AKAP8: variants seen among roughly 807,000 people sequenced by gnomAD.
AKAP8 encodes A-kinase anchor protein 8.
In AKAP8, 24 loss-of-function variants were observed where a neutral mutation model predicts 67.5. That is an observed-to-expected ratio of 0.36 (90% CI 0.26 to 0.50). The LOEUF (loss-of-function observed/expected upper bound fraction) is 0.50. AKAP8 is among the 20% of genes least tolerant of loss of function. The pLI is 0.97. For missense variants in AKAP8, 971 were observed against 955.9 expected (o/e 1.02, Z -0.21); for synonymous variants, 400 against 371.1 (o/e 1.08, Z -0.90).
At chr19:15,370,295 A>G (rs1967133084) in intron 7 of AKAP8, 116 bp from the exon 8 acceptor site, 2 of 1,204,896 alleles carry the variant, frequency 1.7e-6, no homozygotes, top group Non-Finnish European at 2.4e-6. Context: ...CTAGGTTGCT[A>G]TGCCACCAAG....
chr19:15,373,077 G>C lies in AKAP8; in HGVS notation c.635C>G (p.Pro212Arg). 6.2e-7 allele frequency: 1 copy of C among 1,610,752 alleles called. No homozygotes were observed. Among genetic ancestry groups the C allele is most frequent in the Non-Finnish European group, 8.5e-7 (1 of 1,178,850 alleles). ...GTFMRSDPFV[P>R]PAASSEPLST... The stretch of plus-strand genomic sequence containing the variant: ...CAGGGGCTCAGAGGACGCAGCGGGG[G>C]GCACGAAGGGGTCGCTGCGCATGAA... The change falls in exon 5 of 14, where the codon CCC (proline) becomes CGC (arginine). Residue 212 changes from proline (P) to arginine (R), a missense_variant. Transcript: ENST00000269701.
At chr19:15,371,365 G>C (rs936816103) in intron 7 of AKAP8, among the ~76,000 whole-genome samples, 1 of 152,184 alleles carries the variant, frequency 6.6e-6, no homozygotes, top group Non-Finnish European at 1.5e-5. Context: ...CGGAGCTGGC[G>C]GCAAATGAGC....
In AKAP8 at chr19:15,370,168, G is replaced by C. The variant is rs142190306; in HGVS notation, c.1050C>G (p.Leu350=). The C allele has an allele frequency of 1.9e-6, 3 of 1,614,152 alleles. No individual in the cohort carries two copies. The highest frequency in any genetic ancestry group is 3.3e-5 in the Admixed American group (2 of 60,018). ...TACCTCTTTGCCTCCCAGAGTCGCA[G>C]AGTTCATCCTCCTGGAAAAGAGTAT... is the stretch of plus-strand genomic sequence containing the variant. ...GDEEFKGEDE[L]CDSGRQRGEK... Residue 350 remains leucine (L), a synonymous_variant, in exon 8 of 14, where the codon CTC becomes CTG. Transcript: ENST00000269701.
chr19:15,358,909 TG>T, intron 13 of AKAP8, 57 bp downstream of exon 13: 1 of 1,503,858 alleles, frequency 6.6e-7, no homozygotes, highest in Non-Finnish European at 9.3e-7. Context: ...TCCCTGCTCC[TG>T]GGGTTCATCT....
chr19:15,371,528 G>T (rs1311883398), intron 7 of AKAP8, among the ~76,000 whole-genome samples: 1 of 149,866 alleles, frequency 6.7e-6, no homozygotes, highest in Non-Finnish European at 1.5e-5. Context: ...TCCCTCTGTC[G>T]CCCAGGCTGG....
chr19:15,377,287 T>TC (rs1217535955), intron 1 of AKAP8, among the ~76,000 whole-genome samples: 1 of 152,054 alleles, frequency 6.6e-6, no homozygotes. Flanking sequence ...GGACCTCACC[T>TC]CTCCAAGATT....
chr19:15,379,451 G>C (rs1364676879), intron 1 of AKAP8: 1 of 455,128 alleles, frequency 2.2e-6, no homozygotes, highest in East Asian at 3.7e-5. Flanking sequence ...ACGCCCCCAC[G>C]AAGCCCACCG....
At chr19:15,361,592 T>A in intron 11 of AKAP8, 137 bp downstream of exon 11, 1 of 673,408 alleles carries the variant, frequency 1.5e-6, no homozygotes, top group Non-Finnish European at 2.6e-6. Flanking sequence ...GACCTCATGA[T>A]CCGCCTGCCT....
intron 13 of AKAP8, among the ~76,000 whole-genome samples, chr19:15,355,720 C>T (rs2048273936): frequency 6.6e-6 from 1 of 151,922 alleles, no homozygotes; most frequent in Non-Finnish European, 1.5e-5. Context: ...GTGTGAACCA[C>T]CATGCCCGGC....
chr19:15,358,833 T>C (rs972353599), intron 13 of AKAP8, 134 bp downstream of exon 13: 4 of 780,684 alleles, frequency 5.1e-6, no homozygotes, highest in East Asian at 2.6e-5. Context: ...CTGAGCTTGA[T>C]GCATTCCAGT....
chr19:15,362,039 T>C, intron 10 of AKAP8, 71 bp downstream of exon 10: 1 of 1,579,338 alleles, frequency 6.3e-7, no homozygotes, highest in Non-Finnish European at 8.6e-7. Context: ...TGATTTCCCT[T>C]CCTCCTTCAA....
At position 15,370,034 on chromosome 19, in the gene AKAP8, C is replaced by T. The variant is rs2145078814; in HGVS notation, c.1072+112G>A. The T allele has an allele frequency of 2.9e-6, 4 of 1,359,176 alleles. No homozygotes were observed. In the South Asian group the frequency reaches 4.7e-5, roughly 16 times the overall value. 84.2% of individuals were successfully genotyped at this position (1,359,176 alleles called of 1,614,324 possible). On this transcript the variant is annotated intron_variant, in intron 8 of 13. Transcript: ENST00000269701. ...TCTGGTGGCTGCAGCCCCTCTTCCC[C>T]CACAGCCACGGGCCCCTCCATCCAG...
chr19:15,360,636 A>C (rs533138452), intron 12 of AKAP8, among the ~76,000 whole-genome samples: 1 of 152,338 alleles, frequency 6.6e-6, no homozygotes, highest in South Asian at 2.1e-4. Context: ...TATCAGGAGA[A>C]TCTCAGCTAC....
At chr19:15,375,520 G>A (rs1967236507) in intron 2 of AKAP8, among the ~76,000 whole-genome samples, 2 of 152,164 alleles carry the variant, frequency 1.3e-5, no homozygotes, top group Middle Eastern at 3.4e-3. Flanking sequence ...CTTACACACT[G>A]GATCAAAACT....
In AKAP8 at chr19:15,373,120, G is replaced by C. The variant is rs775735026; in HGVS notation, c.592C>G (p.Arg198Gly). 5 of 1,612,724 alleles carry C rather than the reference G, an allele frequency of 3.1e-6. No individual in the cohort carries two copies. The South Asian group carries it at 5.5e-5, about 18-fold the overall frequency. ...CGCATGAAGGTGCCAGGGTTGCTCC[G>C]GTCCTGGAAGCGGCCCTGGCCCCGG... ...RGRGQGRFQD[R>G]SNPGTFMRSD... Residue 198 changes from arginine (R) to glycine (G), a missense_variant, in exon 5 of 14, where the codon CGG (arginine) becomes GGG (glycine). Arg to Gly is a moderately radical substitution (Grantham distance 125). This residue lies in a region of AKAP8 where 763 missense variants were observed against 745.4 expected (regional missense o/e 1.02). Coordinates refer to ENST00000269701, the MANE Select transcript of AKAP8 (RefSeq NM_005858.4).
chr19:15,368,879 G>A (rs1229172071), intron 8 of AKAP8: 6 of 985,156 alleles, frequency 6.1e-6, no homozygotes, highest in Non-Finnish European at 7.2e-6. Context: ...GTCAATCTAG[G>A]GCTTTCCCAG....
chr19:15,355,088 C>T lies in AKAP8; in HGVS notation c.1906G>A (p.Glu636Lys), dbSNP rs1160119484. The change falls in exon 14 of 14, where the codon GAG (glutamate) becomes AAG (lysine). Residue 636 changes from glutamate (E) to lysine (K), a missense_variant. By Grantham distance (56) the Glu-to-Lys change is moderately conservative. This residue lies in a region of AKAP8 where 204 missense variants were observed against 193.0 expected (regional missense o/e 1.06). Coordinates refer to ENST00000269701, the MANE Select transcript of AKAP8 (RefSeq NM_005858.4). ...CTTCTGGCCTTGGGGACGCCCTTCT[C>T]ATGTGCCGTTCCACAGGGCACCTGC... ...EEQVPCGTAH[E>K]KGVPKARSEA... is the part of the protein sequence containing the mutation. 6.2e-7 allele frequency: 1 copy of T among 1,613,888 alleles called. No homozygotes were observed. The highest frequency in any genetic ancestry group is 2.2e-5 in the East Asian group (1 of 44,894).
At chr19:15,357,428 C>CA (rs59205660) in intron 13 of AKAP8, among the ~76,000 whole-genome samples, 562 of 40,736 alleles carry the variant, frequency 0.014, 16 homozygotes, top group Middle Eastern at 0.021. Flanking sequence ...GACTCCATCT[C>CA]AAAAAAAAAA....
At chr19:15,368,680 G>A (rs1967107612) in intron 8 of AKAP8, 1 of 985,300 alleles carries the variant, frequency 1.0e-6, no homozygotes, top group Non-Finnish European at 1.2e-6. Context: ...TATCACAGGA[G>A]AAGCCAATTC....
Sources: gnomAD v4.1 joint callset for allele counts (sites outside exome capture counted in the v4.1 genomes callset) on GRCh38, gnomAD v4.1.1 for gene constraint, gnomAD v4.1.1 regional missense constraint, MANE v1.5 for transcripts, NCBI Gene and HGNC (gene_info 2026-07-23, HGNC 2026-07-21) for gene names.